Variants in DSG1 observed in about 807,000 individuals in gnomAD.
DSG1 encodes the protein desmoglein-1.
DSG1 carries 39 observed loss-of-function variants against 97.5 expected under a neutral mutation model. The observed-to-expected ratio is 0.40, with a 90% CI of 0.31 to 0.52. The LOEUF (loss-of-function observed/expected upper bound fraction) is 0.52, where lower values mean the gene tolerates loss of function less well. DSG1 is among the 20% of genes least tolerant of loss of function. The pLI is 0.53. For missense variants in DSG1, 1,311 were observed against 1,295.4 expected (o/e 1.01, Z -0.18); for synonymous variants, 475 against 443.4 (o/e 1.07, Z -0.90).
At chr18:31,336,982 A>G (rs929196552) in intron 9 of DSG1, among the ~76,000 whole-genome samples, 1 of 152,236 alleles carries the variant, frequency 6.6e-6, no homozygotes, top group Non-Finnish European at 1.5e-5. Flanking sequence ...CTTGAAATCA[A>G]TTAGATTTTA....
rs759853035 is a variant in DSG1, at chr18:31,326,874, G to C, written c.85G>C (p.Val29Leu). 7 of 1,613,272 alleles carry C rather than the reference G, an allele frequency of 4.3e-6. No homozygotes were observed. Among genetic ancestry groups the C allele is most frequent in the Non-Finnish European group, 5.9e-6 (7 of 1,179,568 alleles). ...VEVNSEFRIQ[V>L]RDYNTKNGTI... ...CATTTCTTTATTGCTGTCATTTAAG[G>C]TAAGAGATTATAACACTAAAAATGG... Residue 29 changes from valine (V) to leucine (L), a missense_variant and splice_region_variant, in exon 3 of 15, where the codon GTA becomes CTA. Physicochemically the swap from Val to Leu is conservative, Grantham distance 32 (BLOSUM62 1). Transcript: ENST00000257192.
chr18:31,344,217 T>C (rs1204517002), intron 13 of DSG1, among the ~76,000 whole-genome samples: 1 of 152,208 alleles, frequency 6.6e-6, no homozygotes, highest in East Asian at 1.9e-4. Flanking sequence ...CAAAGAGTAC[T>C]TAGAAGATGT....
intron 5 of DSG1, 50 bp downstream of exon 5, chr18:31,330,086 C>T: frequency 6.3e-7 from 1 of 1,597,820 alleles, no homozygotes; most frequent in Non-Finnish European, 8.6e-7. Flanking sequence ...AGGCACCTAA[C>T]TGGAGACTAA....
chr18:31,331,229 T>C (rs1164440457), intron 5 of DSG1, among the ~76,000 whole-genome samples: 1 of 152,096 alleles, frequency 6.6e-6, no homozygotes, highest in Admixed American at 6.6e-5. Context: ...TTAGGAACTT[T>C]ATATAGTTTT....
chr18:31,355,194 G>C lies in DSG1; in HGVS notation c.2998G>C (p.Gly1000Arg). The change falls in exon 15 of 15, where the codon GGC becomes CGC. Residue 1000 changes from glycine to arginine, a missense_variant. By Grantham distance (125) the Gly-to-Arg change is moderately radical. Coordinates refer to ENST00000257192, the MANE Select transcript of DSG1 (RefSeq NM_001942.4). The stretch of plus-strand genomic sequence containing the variant: ...GAGTGGAGCTGGCATAAGTGGTGGT[G>C]GCATTGGCCTGAGCAGCTTGGGAGG... ...ALSGAGISGG[G>R]IGLSSLGGTA... The C allele has an allele frequency of 6.2e-7, 1 of 1,602,294 alleles. No individual in the cohort carries two copies.
rs1568050525 is a variant in DSG1 at position 31,354,571 on chromosome 18, T to C, written c.2375T>C (p.Val792Ala). Residue 792 changes from valine to alanine, a missense_variant, in exon 15 of 15, where the codon GTT (valine) becomes GCT (alanine). Val to Ala is a moderately conservative substitution (Grantham distance 64). This residue lies in a region of DSG1 where 1,038 missense variants were observed against 964.6 expected (regional missense o/e 1.08). Transcript: ENST00000257192. ...PVCLPQETEP[V>A]VSGHPPISPH... ...TGCCTTCCTCAGGAAACAGAGCCCGTTGTTAGTGGACACCCACCAATCTCC... is the reference window on the plus strand; with the variant it reads ...TGCCTTCCTCAGGAAACAGAGCCCGCTGTTAGTGGACACCCACCAATCTCC... 1 of 1,614,188 alleles carries C rather than the reference T, an allele frequency of 6.2e-7. No homozygotes were observed. The highest frequency in any genetic ancestry group is 1.7e-5 in the Admixed American group (1 of 60,028).
chr18:31,343,391 G>A, intron 11 of DSG1, 59 bp from the exon 12 acceptor site: 2 of 1,606,990 alleles, frequency 1.2e-6, no homozygotes, highest in African/African-American at 1.3e-5. Context: ...AAATCAGGTT[G>A]TTTTGTTTTT....
intron 1 of DSG1, among the ~76,000 whole-genome samples, chr18:31,324,135 C>A (rs1266485496): frequency 6.6e-6 from 1 of 151,762 alleles, no homozygotes; most frequent in Non-Finnish European, 1.5e-5. Flanking sequence ...AGGCACGCAC[C>A]ACGACGCCCA....
intron 10 of DSG1, 110 bp from the exon 11 acceptor site, chr18:31,339,634 G>A: frequency 2.7e-6 from 2 of 748,184 alleles, no homozygotes; most frequent in Non-Finnish European, 4.1e-6. Context: ...GAGAAATTAT[G>A]GGAATAAAGA....
chr18:31,323,867 C>T (rs2071668618), intron 1 of DSG1, among the ~76,000 whole-genome samples: 1 of 151,992 alleles, frequency 6.6e-6, no homozygotes, highest in Non-Finnish European at 1.5e-5. Context: ...CTTTCAACCC[C>T]ATCTGTCTTT....
At position 31,354,796 on chromosome 18, in the gene DSG1, G is replaced by C. The variant is rs2071938760; in HGVS notation, c.2600G>C (p.Arg867Thr). 3 of 1,614,184 alleles carry C rather than the reference G, an allele frequency of 1.9e-6. No homozygotes were observed. The highest frequency in any genetic ancestry group is 1.7e-5 in the Admixed American group (1 of 60,030). ...GCATCAAACGTGGTAGTGACAGAGAGAGTGGTCGGCCCAATCTCTGGCGCT... is the reference window on the plus strand; with the variant it reads ...GCATCAAACGTGGTAGTGACAGAGACAGTGGTCGGCCCAATCTCTGGCGCT... ...RPASNVVVTE[R>T]VVGPISGADL... Residue 867 changes from arginine (R) to threonine (T), a missense_variant, in exon 15 of 15, where the codon AGA becomes ACA. Physicochemically the swap from Arg to Thr is moderately conservative, Grantham distance 71 (BLOSUM62 -1). Transcript: ENST00000257192.
rs766178255 is a variant in DSG1 at position 31,354,315 on chromosome 18, G to A, written c.2119G>A (p.Asp707Asn). The change falls in exon 15 of 15, where the codon GAT becomes AAT. Residue 707 changes from aspartate to asparagine, a missense_variant. Around this residue, in one of 3 missense-constraint regions of DSG1, gnomAD observed 1,038 missense variants for 964.6 expected, o/e 1.08. Transcript: ENST00000257192. ...AATTCAGAAAGCATATGCTTACGCA[G>A]ATGAAGATGAAGGACGCCCATCTAA... is the stretch of plus-strand genomic sequence containing the variant. Reference protein sequence around the residue: ...YFCQKAYAYADEDEGRPSNDC... With the variant: ...YFCQKAYAYANEDEGRPSNDC... 8 of 1,614,104 alleles carry A rather than the reference G, an allele frequency of 5.0e-6. No homozygotes were observed. The highest frequency in any genetic ancestry group is 6.8e-6 in the Non-Finnish European group (8 of 1,179,942).
chr18:31,328,637 A>C (rs1446323833), intron 4 of DSG1, among the ~76,000 whole-genome samples: 1 of 152,152 alleles, frequency 6.6e-6, no homozygotes. Context: ...TTTTTAAAAA[A>C]TTCAGTAAAG....
At chr18:31,345,694 C>T (rs1200438012) in intron 13 of DSG1, among the ~76,000 whole-genome samples, 1 of 151,992 alleles carries the variant, frequency 6.6e-6, no homozygotes, top group African/African-American at 2.4e-5. Flanking sequence ...CTCCAATTTC[C>T]TACAGGTTGA....
Position 31,355,246 on chromosome 18 carries a change from G to A in DSG1, c.3050G>A (p.Ser1017Asn). ...ACAGCCAGCATTGGCCACATGAGGA[G>A]TTCCTCTGACCATCACTTTAACCAA... is the stretch of plus-strand genomic sequence containing the variant. ...GGTASIGHMR[S>N]SSDHHFNQTI... Residue 1017 changes from serine (S) to asparagine (N), a missense_variant, in exon 15 of 15, where the codon AGT becomes AAT. Physicochemically the swap from Ser to Asn is conservative, Grantham distance 46 (BLOSUM62 1). This residue lies in a region of DSG1 where 1,038 missense variants were observed against 964.6 expected (regional missense o/e 1.08). Coordinates refer to ENST00000257192, the MANE Select transcript of DSG1 (RefSeq NM_001942.4). 1 of 1,610,894 alleles carries A rather than the reference G, an allele frequency of 6.2e-7. No individual in the cohort carries two copies. The highest frequency in any genetic ancestry group is 8.5e-7 in the Non-Finnish European group (1 of 1,177,764).
chr18:31,351,954 A>G lies in DSG1; in HGVS notation c.2101-2343A>G, dbSNP rs1051301059. Among the ~76,000 whole-genome samples the G allele has an allele frequency of 7.1e-4, 108 of 151,240 alleles. 1 individual carries two copies. Among genetic ancestry groups the G allele is most frequent in the Non-Finnish European group, 1.2e-3 (82 of 67,956 alleles). ...CCAGTCTGTGTCTTTTAATTGGAGC[A>G]TTTAGTCCATTTACATTTAAAGTTA... On this transcript the variant is annotated intron_variant, in intron 14 of 14. Transcript: ENST00000257192.
chr18:31,343,615 G>T lies in DSG1; in HGVS notation c.1821+32G>T, dbSNP rs763394533. 1.9e-6 allele frequency: 3 copies of T among 1,613,968 alleles called. No individual in the cohort carries two copies. In the Admixed American group the frequency reaches 5.0e-5, roughly 27 times the overall value. Reference sequence around the variant, plus strand: ...GCCACATTCTAAGAAATAGCCGTTGGTAGTCACTGAAATTCAGTCTTTACA... The same window carrying T: ...GCCACATTCTAAGAAATAGCCGTTGTTAGTCACTGAAATTCAGTCTTTACA... On this transcript the variant is annotated intron_variant, in intron 12 of 14. Transcript: ENST00000257192.
intron 8 of DSG1, among the ~76,000 whole-genome samples, chr18:31,334,826 T>G (rs942805418): frequency 6.6e-6 from 1 of 152,068 alleles, no homozygotes; most frequent in African/African-American, 2.4e-5. Context: ...TGGTCCACAT[T>G]TACCTGCAGT....
At chr18:31,327,401 G>T (rs945148569) in intron 3 of DSG1, among the ~76,000 whole-genome samples, 3 of 151,862 alleles carry the variant, frequency 2.0e-5, no homozygotes, top group African/African-American at 7.3e-5. Flanking sequence ...CATTCACAAG[G>T]TGCCCTCTCT....
Sources: allele counts gnomAD v4.1 joint callset (sites outside exome capture counted in the v4.1 genomes callset), GRCh38; gene constraint gnomAD v4.1.1; regional missense constraint gnomAD v4.1.1; transcripts MANE v1.5; gene names NCBI Gene and HGNC (gene_info 2026-07-23, HGNC 2026-07-21).